Variants in IQCH observed in about 807,000 individuals in gnomAD.
IQCH encodes the protein IQ motif containing H, also known as IQ domain-containing protein H.
In IQCH, 98 loss-of-function variants were observed where a neutral mutation model predicts 117.0. That is an observed-to-expected ratio of 0.84 (90% CI 0.71 to 0.99). IQCH has a LOEUF of 0.99. IQCH is among the 50% of genes least tolerant of loss of function. The pLI, the probability that IQCH is intolerant of heterozygous loss-of-function variation, is 0.00. For missense variants in IQCH, 1,102 were observed against 1,243.8 expected (o/e 0.89, Z 1.72); for synonymous variants, 412 against 448.2 (o/e 0.92, Z 1.02).
At position 67,306,286 on chromosome 15, in the gene IQCH, T is replaced by TA. The variant is rs1285620935; in HGVS notation, c.387+26775dup. 2.6e-5 allele frequency among the ~76,000 whole-genome samples: 4 copies of TA among 152,264 alleles called. No individual in the cohort carries two copies. The East Asian group carries it at 7.7e-4, about 29-fold the overall frequency. On this transcript the variant is annotated intron_variant, in intron 4 of 20. Transcript: ENST00000335894. ...TTTGGGGATAAATGCAGTTGTGATT[T>TA]ACCACTTATAAAAATCATTTCAAAA...
Position 67,384,875 on chromosome 15 carries a change from T to G in IQCH, c.1373-61T>G. ...GGACTGTGACATTTTGAAATTCTCT[T>G]GTGCCATTTTGCTATATCGACTTGC... On this transcript the variant is annotated intron_variant, in intron 10 of 20. Transcript: ENST00000335894. The surrounding 1 kb of genome is among the most constrained non-coding windows in gnomAD (Gnocchi z 4.3). 9.6e-7 allele frequency: 1 copy of G among 1,044,276 alleles called. No homozygotes were observed. The highest frequency in any genetic ancestry group is 1.5e-6 in the Non-Finnish European group (1 of 665,312). The allele number at this position is 1,044,276 out of a possible 1,614,324, so 64.7% of individuals were successfully genotyped here. A position where few individuals can be genotyped will look rare whatever the true frequency, so the allele number is the denominator to read the frequency against.
intron 3 of IQCH, among the ~76,000 whole-genome samples, chr15:67,274,717 C>T (rs1036441379): frequency 2.6e-5 from 4 of 151,834 alleles, no homozygotes; most frequent in African/African-American, 9.7e-5. Context: ...GTTGATGTGC[C>T]TGTATGTCTG....
rs1199644720 is a variant in IQCH at position 67,465,110 on chromosome 15, G to A, written c.2506-17G>A. 2.5e-6 allele frequency: 4 copies of A among 1,611,336 alleles called. No individual in the cohort carries two copies. Among genetic ancestry groups the A allele is most frequent in the African/African-American group, 1.3e-5 (1 of 74,796 alleles). ...TGCTGATTTCACCCTCACTTCTACG[G>A]CTCCTGTTTTAATCAGGTGTGGGCA... On this transcript the variant is annotated splice_polypyrimidine_tract_variant and intron_variant, in intron 16 of 20. Transcript: ENST00000335894. This position sits in a 1 kb window ranked among gnomAD's most constrained non-coding sequence, Gnocchi z 5.9.
chr15:67,477,339 G>A (rs1265957496), intron 18 of IQCH, among the ~76,000 whole-genome samples: 1 of 152,086 alleles, frequency 6.6e-6, no homozygotes, highest in Non-Finnish European at 1.5e-5. Context: ...GAGCCACCGC[G>A]CCCAGCCCCA....
Position 67,391,613 on chromosome 15 carries a change from A to G in IQCH, c.1632+2607A>G, listed in dbSNP as rs73472928. Among the ~76,000 whole-genome samples the G allele has an allele frequency of 0.015, 2,309 of 152,282 alleles. 67 individuals carry two copies. Among genetic ancestry groups the G allele is most frequent in the African/African-American group, 0.052 (2,167 of 41,560 alleles). ...AAAAAAAAATCAGTGGTGATAAATTAAATGTAGCCATAATTCAATGGAACT... is the reference window on the plus strand; with the variant it reads ...AAAAAAAAATCAGTGGTGATAAATTGAATGTAGCCATAATTCAATGGAACT... On this transcript the variant is annotated intron_variant, in intron 12 of 20. Coordinates refer to ENST00000335894, the MANE Select transcript of IQCH (RefSeq NM_001031715.3). This position sits in a 1 kb window ranked among gnomAD's most constrained non-coding sequence, Gnocchi z 4.3.
intron 18 of IQCH, among the ~76,000 whole-genome samples, chr15:67,477,360 G>A (rs910007777): frequency 7.2e-5 from 11 of 151,770 alleles, no homozygotes; most frequent in East Asian, 1.9e-4. Flanking sequence ...AATTTTATAC[G>A]TTCTTAAAAA....
chr15:67,460,615 A>C (rs573938586), intron 16 of IQCH, among the ~76,000 whole-genome samples: 3 of 152,176 alleles, frequency 2.0e-5, no homozygotes, highest in Non-Finnish European at 4.4e-5. Context: ...ACCTTAATAT[A>C]AATCTCTCTA....
At position 67,364,525 on chromosome 15, in the gene IQCH, A is replaced by G. The variant is rs28696998; in HGVS notation, c.753+4640A>G. 0.21 allele frequency among the ~76,000 whole-genome samples: 31,927 copies of G among 152,050 alleles called. 4,068 individuals are homozygous for G. Among genetic ancestry groups the G allele is most frequent in the East Asian group, 0.47 (2,433 of 5,162 alleles). On this transcript the variant is annotated intron_variant, in intron 8 of 20. Coordinates refer to ENST00000335894, the MANE Select transcript of IQCH (RefSeq NM_001031715.3). The surrounding 1 kb of genome is among the most constrained non-coding windows in gnomAD (Gnocchi z 4.1). ...CATTGTCTAACTGAACATTTTTATTACATGTGATTAATAATTTTGCTTATA... is the reference window on the plus strand; with the variant it reads ...CATTGTCTAACTGAACATTTTTATTGCATGTGATTAATAATTTTGCTTATA...
rs111539702 is a variant in IQCH, at chr15:67,258,852, A to T, written c.52-2420A>T. ...AATATGGTAGATTGGATCTATCTGA[A>T]GAAAGAGATTTAGAACTCAAATCTC... On this transcript the variant is annotated intron_variant, in intron 1 of 20. Coordinates refer to ENST00000335894, the MANE Select transcript of IQCH (RefSeq NM_001031715.3). Among the ~76,000 whole-genome samples, 702 of 152,366 alleles carry T rather than the reference A, an allele frequency of 4.6e-3. 7 individuals are homozygous for T. The highest frequency in any genetic ancestry group is 0.016 in the African/African-American group (681 of 41,590).
chr15:67,300,226 A>G (rs1966956468), intron 4 of IQCH, among the ~76,000 whole-genome samples: 1 of 152,034 alleles, frequency 6.6e-6, no homozygotes, highest in African/African-American at 2.4e-5. Context: ...GAACTCATGG[A>G]TTTTTATATG....
intron 6 of IQCH, among the ~76,000 whole-genome samples, chr15:67,353,017 G>A (rs1462948078): frequency 5.9e-5 from 9 of 151,916 alleles, no homozygotes; most frequent in South Asian, 2.1e-4. Context: ...GTGGTGGTGC[G>A]CACCTGTAAT....
chr15:67,291,512 A>G (rs1326908799), intron 4 of IQCH, among the ~76,000 whole-genome samples: 1 of 152,178 alleles, frequency 6.6e-6, no homozygotes, highest in Non-Finnish European at 1.5e-5. Context: ...ATGATACAGC[A>G]ATGTACATTT....
chr15:67,382,340 C>T (rs1305203876), intron 10 of IQCH, among the ~76,000 whole-genome samples: 1 of 152,208 alleles, frequency 6.6e-6, no homozygotes, highest in Admixed American at 6.5e-5. Flanking sequence ...CTTCTAAGGA[C>T]TCTGACAATT....
intron 4 of IQCH, among the ~76,000 whole-genome samples, chr15:67,308,089 C>T (rs1967393487): frequency 6.6e-6 from 1 of 152,152 alleles, no homozygotes; most frequent in African/African-American, 2.4e-5. Flanking sequence ...AATGGAGGCC[C>T]ACCCTTGAAT....
rs1036097280 is a variant in IQCH at position 67,445,056 on chromosome 15, T to A, written c.2506-20071T>A. Among the ~76,000 whole-genome samples, 2 of 152,210 alleles carry A rather than the reference T, an allele frequency of 1.3e-5. No individual in the cohort carries two copies. Among genetic ancestry groups the A allele is most frequent in the African/African-American group, 2.4e-5 (1 of 41,442 alleles). On this transcript the variant is annotated intron_variant, in intron 16 of 20. Transcript: ENST00000335894. The surrounding 1 kb of genome is among the most constrained non-coding windows in gnomAD (Gnocchi z 4.3). ...GTTTCTTAGAAATAATGAATTTGAA[T>A]TATACTTGGAAAGTGGTGGCTTTGG...
chr15:67,456,049 G>A lies in IQCH; in HGVS notation c.2506-9078G>A, dbSNP rs1003313592. ...TTTATAAATAATAGTTGGGCCATTG[G>A]TCTTGAAAGTAATAGAGGGAGGGTC... On this transcript the variant is annotated intron_variant, in intron 16 of 20. Coordinates refer to ENST00000335894, the MANE Select transcript of IQCH (RefSeq NM_001031715.3). The surrounding 1 kb of genome is among the most constrained non-coding windows in gnomAD (Gnocchi z 5.1). Among the ~76,000 whole-genome samples the A allele has an allele frequency of 2.6e-5, 4 of 152,168 alleles. No homozygotes were observed. The highest frequency in any genetic ancestry group is 9.7e-5 in the African/African-American group (4 of 41,444).
intron 12 of IQCH, among the ~76,000 whole-genome samples, chr15:67,392,117 T>C (rs978678801): frequency 2.0e-5 from 3 of 152,166 alleles, no homozygotes; most frequent in African/African-American, 7.2e-5. Context: ...AGCAAATCAC[T>C]TGAGGCTCAA....
In IQCH at chr15:67,447,581, G is replaced by A. The variant is rs372745770; in HGVS notation, c.2506-17546G>A. Among the ~76,000 whole-genome samples, 1 of 152,194 alleles carries A rather than the reference G, an allele frequency of 6.6e-6. No individual in the cohort carries two copies. The highest frequency in any genetic ancestry group is 2.4e-5 in the African/African-American group (1 of 41,450). ...GGGGTTGAGGGAGTGTCCCCGTGGA[G>A]GGCATAGAGCTTGCAGGGAGCCCCA... On this transcript the variant is annotated intron_variant, in intron 16 of 20. Transcript: ENST00000335894. The surrounding 1 kb of genome is among the most constrained non-coding windows in gnomAD (Gnocchi z 5.3).
At chr15:67,311,212 AT>A (rs1195651070) in intron 4 of IQCH, among the ~76,000 whole-genome samples, 1 of 152,108 alleles carries the variant, frequency 6.6e-6, no homozygotes, top group Non-Finnish European at 1.5e-5. Context: ...ATCCTTAATT[AT>A]TAAGGAATGT....
Sources: allele counts gnomAD v4.1 joint callset (sites outside exome capture counted in the v4.1 genomes callset), GRCh38; gene constraint gnomAD v4.1.1; non-coding constraint Gnocchi (gnomAD v3.1); transcripts MANE v1.5; gene names NCBI Gene and HGNC (gene_info 2026-07-23, HGNC 2026-07-21).